The following CALHM4 variants were observed in gnomAD, a reference collection of about 807,000 sequenced individuals.
CALHM4 encodes calcium homeostasis modulator protein 4.
CALHM4 carries 16 observed loss-of-function variants against 13.3 expected under a neutral mutation model. The ratio of observed to expected loss-of-function variants is 1.20; its 90% CI spans 0.81 to 1.82. CALHM4 has a LOEUF of 1.82. CALHM4 is among the 40% of genes most tolerant of loss of function. CALHM4 has a pLI of 0.00. For missense variants in CALHM4, 344 were observed against 374.9 expected, an observed-to-expected ratio of 0.92 and a Z score of 0.68; for synonymous variants, 127 against 137.1, an observed-to-expected ratio of 0.93 and a Z score of 0.52.
chr6:116,549,571 T>A (rs1773958371), upstream of CALHM4, among the ~76,000 whole-genome samples: 1 of 151,888 alleles, frequency 6.6e-6, no homozygotes, highest in Non-Finnish European at 1.5e-5. Context: ...CATTATATAT[T>A]ATTTATATAT....
In CALHM4 at chr6:116,553,910, C is replaced by A; in HGVS notation, c.117C>A (p.Phe39Leu). The A allele has an allele frequency of 6.4e-7, 1 of 1,550,666 alleles. No homozygotes were observed. Among genetic ancestry groups the A allele is most frequent in the South Asian group, 1.2e-5 (1 of 84,060 alleles). ...AACAACTCTTCTCCTCTTCTACATT[C>A]AGCTGTCCTTGTCAGGTTGGAAAAA... ...GGQQLFSSST[F>L]SCPCQVGKNF... The change falls in exon 1 of 2, where the codon TTC becomes TTA. Residue 39 changes from phenylalanine (F) to leucine (L), a missense_variant. Phe to Leu is a conservative substitution (Grantham distance 22, BLOSUM62 0). Transcript: ENST00000368596.
At chr6:116,555,246 C>T (rs1417895774) in intron 1 of CALHM4, among the ~76,000 whole-genome samples, 1 of 152,084 alleles carries the variant, frequency 6.6e-6, no homozygotes, top group Non-Finnish European at 1.5e-5. Flanking sequence ...TCTGTCTTAA[C>T]TTTTTTAATA....
chr6:116,551,866 A>C (rs1252322991), upstream of CALHM4, among the ~76,000 whole-genome samples: 10 of 152,248 alleles, frequency 6.6e-5, no homozygotes, highest in Admixed American at 2.6e-4. Flanking sequence ...CCTCCTTGCC[A>C]ACATTTGGTA....
At chr6:116,545,474 AT>A (rs1228223362) in intron 2 of CALHM4, 5 of 1,545,908 alleles carry the variant, frequency 3.2e-6, no homozygotes, top group Non-Finnish European at 4.4e-6. Context: ...AGATCTTACT[AT>A]TTTATGGTAT....
At chr6:116,550,007 TATATATATATATATATATACAC>T (rs1265209555), upstream of CALHM4, among the ~76,000 whole-genome samples, 2 of 132,036 alleles carry the variant, frequency 1.5e-5, no homozygotes, top group Non-Finnish European at 3.1e-5. Context: ...TATATATATA[TATATATATATATATATATACAC>T]ACACACACAC....
chr6:116,551,428 C>A (rs1774073998), upstream of CALHM4, among the ~76,000 whole-genome samples: 1 of 152,116 alleles, frequency 6.6e-6, no homozygotes, highest in Non-Finnish European at 1.5e-5. Context: ...TTATGTACTC[C>A]TTTTCCTGAA....
intron 1 of CALHM4, among the ~76,000 whole-genome samples, chr6:116,555,529 C>T (rs1774271575): frequency 7.3e-6 from 1 of 137,618 alleles, no homozygotes; most frequent in Non-Finnish European, 1.6e-5. Flanking sequence ...TTATCACATA[C>T]TGTATAAATA....
upstream of CALHM4, among the ~76,000 whole-genome samples, chr6:116,550,001 TA>T (rs1298647888): frequency 7.7e-6 from 1 of 129,520 alleles, no homozygotes; most frequent in African/African-American, 3.4e-5. Context: ...TATATATATA[TA>T]TATATATATA....
chr6:116,545,699 A>G (rs1773742319), intron 2 of CALHM4: 1 of 435,882 alleles, frequency 2.3e-6, no homozygotes, highest in Non-Finnish European at 4.1e-6. Flanking sequence ...AAAACCATGA[A>G]CAACAGGATT....
chr6:116,529,447 A>G (rs1315056622), intron 1 of CALHM4, among the ~76,000 whole-genome samples: 2 of 152,022 alleles, frequency 1.3e-5, no homozygotes, highest in African/African-American at 4.8e-5. Context: ...GCCTCCATGC[A>G]CCCTCCTGCT....
chr6:116,549,885 A>G (rs943261540), upstream of CALHM4, among the ~76,000 whole-genome samples: 2 of 150,414 alleles, frequency 1.3e-5, no homozygotes, highest in African/African-American at 4.9e-5. Context: ...CTGAGGCAGG[A>G]GAATCGCTTC....
chr6:116,543,399 T>C, intron 1 of CALHM4: 3 of 1,548,098 alleles, frequency 1.9e-6, no homozygotes, highest in South Asian at 2.4e-5. Flanking sequence ...GAGATCTTTA[T>C]TCTGGAGAAA....
At position 116,558,226 on chromosome 6, in the gene CALHM4, A is replaced by C; in HGVS notation, c.*15A>C. ...TAAAACCTTGATTACAGCACCTTTC[A>C]TGAGTCAGGTTGCTTAGCAGATACT... On this transcript the variant is annotated 3_prime_UTR_variant, in exon 2 of 2. Coordinates refer to ENST00000368596, the MANE Select transcript of CALHM4 (RefSeq NM_001366078.2). 6.3e-7 allele frequency: 1 copy of C among 1,595,444 alleles called. No individual in the cohort carries two copies. The highest frequency in any genetic ancestry group is 8.5e-7 in the Non-Finnish European group (1 of 1,171,268).
chr6:116,559,663 G>C lies in CALHM4; in HGVS notation c.*1452G>C, dbSNP rs190969227. ...AAATCAGTCCATCTCTCTGGACCCT[G>C]GATTTTTTTCATCTATACAATAAAA... On this transcript the variant is annotated 3_prime_UTR_variant, in exon 2 of 2. Transcript: ENST00000368596. Among the ~76,000 whole-genome samples the C allele has an allele frequency of 8.9e-4, 136 of 152,036 alleles. No homozygotes were observed. The highest frequency in any genetic ancestry group is 3.2e-3 in the African/African-American group (131 of 41,456).
chr6:116,555,504 C>A lies in CALHM4; in HGVS notation c.558+1153C>A, dbSNP rs114391713. ...TTTGGTTTTGTGACAACAAAGCTTA[C>A]ATTTATTGATGTACTTATCACATAC... On this transcript the variant is annotated intron_variant, in intron 1 of 1. Coordinates refer to ENST00000368596, the MANE Select transcript of CALHM4 (RefSeq NM_001366078.2). Among the ~76,000 whole-genome samples the A allele has an allele frequency of 4.2e-3, 632 of 152,152 alleles. 5 individuals carry two copies. The highest frequency in any genetic ancestry group is 0.014 in the African/African-American group (592 of 41,512).
Position 116,554,084 on chromosome 6 carries a change from C to T in CALHM4, c.291C>T (p.Cys97=). Residue 97 remains cysteine, a synonymous_variant, in exon 1 of 2, where the codon TGC becomes TGT. Coordinates refer to ENST00000368596, the MANE Select transcript of CALHM4 (RefSeq NM_001366078.2). ...ACAGGAGAATCAGCCCCCTAGAGTG[C>T]AAGCTGGCTTGCCTTAGGTTCTTCA... The part of the protein sequence containing the change: ...PPYRRISPLE[C]KLACLRFFSI... 6.4e-7 allele frequency: 1 copy of T among 1,550,628 alleles called. No homozygotes were observed. The highest frequency in any genetic ancestry group is 8.7e-7 in the Non-Finnish European group (1 of 1,147,002).
upstream of CALHM4, among the ~76,000 whole-genome samples, chr6:116,553,577 A>T (rs1415656021): frequency 6.6e-6 from 1 of 152,210 alleles, no homozygotes; most frequent in Non-Finnish European, 1.5e-5. Flanking sequence ...ACTCATACCT[A>T]AAGGAGCTCT....
At chr6:116,543,267 A>G (rs777474333) in intron 1 of CALHM4, 15 of 1,470,130 alleles carry the variant, frequency 1.0e-5, no homozygotes, top group African/African-American at 1.4e-5. Flanking sequence ...GTAAGAAACA[A>G]CAGCCATTCA....
rs536781601 is a variant in CALHM4, at chr6:116,532,328, T to C, written c.-109+3138T>C. On this transcript the variant is annotated intron_variant, in intron 1 of 2. Transcript: ENST00000368597. ...ATTGCCCAGGCAGGTCTCGAACTCCTGGGCTCAAGCTATCCTTCCGCGTCT... is the reference window on the plus strand; with the variant it reads ...ATTGCCCAGGCAGGTCTCGAACTCCCGGGCTCAAGCTATCCTTCCGCGTCT... Among the ~76,000 whole-genome samples, 13 of 152,314 alleles carry C rather than the reference T, an allele frequency of 8.5e-5. No individual in the cohort carries two copies. In the East Asian group the frequency reaches 2.5e-3, roughly 29 times the overall value.
Sources: gnomAD v4.1 joint callset for allele counts (sites outside exome capture counted in the v4.1 genomes callset) on GRCh38, gnomAD v4.1.1 for gene constraint, MANE v1.5 for transcripts, NCBI Gene and HGNC (gene_info 2026-07-23, HGNC 2026-07-21) for gene names.